Variants in DAB1 observed in about 807,000 individuals in gnomAD.
The protein encoded by DAB1 is disabled homolog 1.
A neutral mutation model predicts 64.6 loss-of-function variants in DAB1; 15 were observed. The ratio of observed to expected loss-of-function variants is 0.23; its 90% CI spans 0.16 to 0.36. DAB1 has a LOEUF of 0.36. Ranked by LOEUF, DAB1 falls within the 10% of genes least tolerant of loss-of-function variation. The probability of loss-of-function intolerance (pLI) is 1.00; values close to 1 mark genes in which losing one functional copy is unlikely to be tolerated. For missense variants in DAB1, 596 were observed against 706.7 expected, an observed-to-expected ratio of 0.84 and a Z score of 1.78; for synonymous variants, 235 against 251.9, an observed-to-expected ratio of 0.93 and a Z score of 0.64.
At chr1:57,214,063 GT>G (rs1449687252) in intron 2 of DAB1, among the ~76,000 whole-genome samples, 7 of 152,128 alleles carry the variant, frequency 4.6e-5, no homozygotes, top group African/African-American at 1.7e-4. Context: ...AGTCCTTTTT[GT>G]GCTGCTAAAA....
intron 1 of DAB1, among the ~76,000 whole-genome samples, chr1:57,363,265 C>T (rs946862987): frequency 1.2e-4 from 19 of 152,242 alleles, no homozygotes; most frequent in African/African-American, 3.9e-4. Flanking sequence ...ACAGAAACCA[C>T]GGACACTCTC....
At chr1:58,387,717 CTTTTCTTTT>C (rs757714581) in intron 3 of DAB1, among the ~76,000 whole-genome samples, 4,635 of 102,404 alleles carry the variant, frequency 0.045, 142 homozygotes, top group East Asian at 0.26. Flanking sequence ...TTTTTCTTTT[CTTTTCTTTT>C]TTTTTTTTTT....
chr1:58,426,241 T>C (rs1415421921), intron 3 of DAB1, among the ~76,000 whole-genome samples: 1 of 152,184 alleles, frequency 6.6e-6, no homozygotes, highest in Non-Finnish European at 1.5e-5. Context: ...CTTGATCTCA[T>C]GCCCAGGGCT....
chr1:57,385,986 G>A (rs1041095146), intron 1 of DAB1, among the ~76,000 whole-genome samples: 5 of 152,128 alleles, frequency 3.3e-5, no homozygotes, highest in Non-Finnish European at 7.4e-5. Flanking sequence ...AACAGCAAAG[G>A]TTTCCATCCA....
chr1:57,719,839 G>A (rs998057874), intron 6 of DAB1, among the ~76,000 whole-genome samples: 6 of 152,206 alleles, frequency 3.9e-5, no homozygotes, highest in African/African-American at 1.4e-4. Context: ...AATACCATGA[G>A]ATTTGAAGGA....
rs1175218960 is a variant in DAB1, at chr1:57,015,425, A to G, written c.902T>C (p.Val301Ala). Residue 301 changes from valine (V) to alanine (A), a missense_variant, in exon 12 of 15, where the codon GTT (valine) becomes GCT (alanine). Coordinates refer to ENST00000371236, the MANE Select transcript of DAB1 (RefSeq NM_001365792.1). ...FGTAAVPSGY[V>A]AMGAVLPSFW... Reference sequence around the variant, plus strand: ...GGACGGGAGGACAGCGCCCATTGCAACGTAACCTGGGAGAATGAAAAAGGA... The same window carrying G: ...GGACGGGAGGACAGCGCCCATTGCAGCGTAACCTGGGAGAATGAAAAAGGA... The G allele has an allele frequency of 1.2e-6, 2 of 1,605,574 alleles. No homozygotes were observed. Among genetic ancestry groups the G allele is most frequent in the South Asian group, 1.1e-5 (1 of 90,078 alleles).
chr1:57,644,229 A>C (rs565634033), intron 7 of DAB1, among the ~76,000 whole-genome samples: 11 of 152,198 alleles, frequency 7.2e-5, no homozygotes, highest in Admixed American at 5.2e-4. Context: ...GCGAGAAACT[A>C]GACAGAATGA....
At position 57,377,184 on chromosome 1, in the gene DAB1, C is replaced by T. The variant is rs112220077; in HGVS notation, c.-137+46746G>A. Among the ~76,000 whole-genome samples the T allele has an allele frequency of 1.3e-3, 192 of 151,800 alleles. 2 individuals are homozygous for T. The highest frequency in any genetic ancestry group is 4.3e-3 in the African/African-American group (178 of 41,408). ...ACGCTGGAGGCTGAGGAACGAGAAT[C>T]GCTTGAACCCAGGAGGTGGAGGTTG... On this transcript the variant is annotated intron_variant, in intron 1 of 14. Transcript: ENST00000371236.
intron 7 of DAB1, among the ~76,000 whole-genome samples, chr1:57,616,408 A>G (rs1169695305): frequency 6.6e-6 from 1 of 152,060 alleles, no homozygotes; most frequent in African/African-American, 2.4e-5. Context: ...ATCTTTTTTT[A>G]ATGCTTAGAA....
At chr1:58,542,226 A>G (rs560445351) in intron 1 of DAB1, among the ~76,000 whole-genome samples, 32 of 152,356 alleles carry the variant, frequency 2.1e-4, no homozygotes, top group South Asian at 2.1e-3. Flanking sequence ...TAATAGTTTG[A>G]CATTATTAAC....
chr1:57,038,934 G>T, intron 9 of DAB1, among the ~76,000 whole-genome samples: 1 of 152,204 alleles, frequency 6.6e-6, no homozygotes, highest in East Asian at 1.9e-4. Flanking sequence ...GACCTGAACG[G>T]GCTAACGCAA....
intron 6 of DAB1, among the ~76,000 whole-genome samples, chr1:57,743,126 G>A (rs1457414251): frequency 1.3e-5 from 2 of 152,160 alleles, no homozygotes; most frequent in Non-Finnish European, 2.9e-5. Flanking sequence ...CATTCAGAAA[G>A]GGTACTGTCA....
intron 3 of DAB1, among the ~76,000 whole-genome samples, chr1:58,428,917 A>G (rs1242457570): frequency 2.0e-5 from 3 of 152,348 alleles, no homozygotes; most frequent in African/African-American, 7.2e-5. Flanking sequence ...GGAGTCCCCT[A>G]TGGGAGGGGT....
chr1:57,288,912 C>A (rs943291554), intron 2 of DAB1, among the ~76,000 whole-genome samples: 4 of 152,180 alleles, frequency 2.6e-5, no homozygotes, highest in South Asian at 2.1e-4. Flanking sequence ...TCATAGTGAG[C>A]CTTTGAAGTC....
At chr1:57,781,124 CTCTATATATATATATATATATATATA>C (rs1436250859) in intron 6 of DAB1, among the ~76,000 whole-genome samples, 153 of 38,882 alleles carry the variant, frequency 3.9e-3, no homozygotes, top group African/African-American at 0.017. Context: ...CTCTCTCTCT[CTCTATATATATATATATATATATATA>C]TATATATATA....
At chr1:57,430,243 A>C (rs758455110) in intron 7 of DAB1, among the ~76,000 whole-genome samples, 6 of 152,170 alleles carry the variant, frequency 3.9e-5, no homozygotes, top group Non-Finnish European at 7.3e-5. Context: ...CTTTGTGATG[A>C]TATTGTAAGT....
intron 4 of DAB1, among the ~76,000 whole-genome samples, chr1:57,133,994 G>GAAAACATAA (rs1258198935): frequency 6.6e-6 from 1 of 152,150 alleles, no homozygotes; most frequent in Non-Finnish European, 1.5e-5. Context: ...GACTTTAAGA[G>GAAAACATAA]AAAACATAAT....
chr1:57,457,809 G>A (rs1379551450), intron 7 of DAB1, among the ~76,000 whole-genome samples: 4 of 152,042 alleles, frequency 2.6e-5, no homozygotes, highest in Non-Finnish European at 5.9e-5. Context: ...AAAGAAGATG[G>A]AGGACAGTAG....
At chr1:57,846,593 A>T (rs1047232906) in intron 1 of DAB1, among the ~76,000 whole-genome samples, 3 of 151,826 alleles carry the variant, frequency 2.0e-5, no homozygotes, top group Non-Finnish European at 4.4e-5. Flanking sequence ...TGTTGATTTC[A>T]TTATTTTATT....
Sources: gnomAD v4.1 joint callset for allele counts (sites outside exome capture counted in the v4.1 genomes callset) on GRCh38, gnomAD v4.1.1 for gene constraint, MANE v1.5 for transcripts, NCBI Gene and HGNC (gene_info 2026-07-23, HGNC 2026-07-21) for gene names.